TENM3: variants seen among roughly 807,000 people sequenced by gnomAD.
The protein encoded by TENM3 is teneurin-3.
In TENM3, 63 loss-of-function variants were observed where a neutral mutation model predicts 255.1. The observed-to-expected ratio is 0.25, with a 90% CI of 0.20 to 0.30. TENM3 has a LOEUF of 0.30. Among genes scored for constraint, TENM3 ranks in the 10% least tolerant of loss-of-function variants. The probability of loss-of-function intolerance (pLI) is 1.00; values close to 1 mark genes in which losing one functional copy is unlikely to be tolerated. For missense variants in TENM3, 2,929 were observed against 3,461.1 expected (o/e 0.85, Z 3.86); for synonymous variants, 1,306 against 1,322.3 (o/e 0.99, Z 0.27).
chr4:181,771,435 A>C, the TENM3 span, among the ~76,000 whole-genome samples: 1 of 152,176 alleles, frequency 6.6e-6, no homozygotes, highest in African/African-American at 2.4e-5. Flanking sequence ...TTGAAGAAAA[A>C]AAGCAAGCTT....
At chr4:181,653,298 C>G in the TENM3 span, among the ~76,000 whole-genome samples, 2 of 152,182 alleles carry the variant, frequency 1.3e-5, no homozygotes, top group Admixed American at 6.5e-5. Context: ...GGGGCAGGAT[C>G]GAAGAATCTG....
chr4:182,032,242 T>C, the TENM3 span, among the ~76,000 whole-genome samples: 5 of 152,338 alleles, frequency 3.3e-5, no homozygotes, highest in East Asian at 9.7e-4. Context: ...ACCTAGTTTA[T>C]TGAGTTTTTA....
the TENM3 span, among the ~76,000 whole-genome samples, chr4:182,060,659 T>C: frequency 1.3e-5 from 2 of 152,138 alleles, no homozygotes; most frequent in African/African-American, 2.4e-5. Flanking sequence ...AGATTTTCTA[T>C]AGCAAATACC....
At chr4:181,826,582 T>C in the TENM3 span, among the ~76,000 whole-genome samples, 2 of 152,190 alleles carry the variant, frequency 1.3e-5, no homozygotes, top group African/African-American at 4.8e-5. Context: ...ATCAGCAAAG[T>C]GGCTATTAGG....
At position 182,265,054 on chromosome 4, in the gene TENM3, G is replaced by A. The variant is rs113826801; in HGVS notation, c.-76+21578G>A. 5.4e-3 allele frequency among the ~76,000 whole-genome samples: 815 copies of A among 152,024 alleles called. 13 individuals carry two copies. Among genetic ancestry groups the A allele is most frequent in the African/African-American group, 0.018 (764 of 41,462 alleles). ...GGACTCCTTGAGAAAAACAGAGGAGGCACCACAGACTCCGTTTTGGGAAAA... is the reference window on the plus strand; with the variant it reads ...GGACTCCTTGAGAAAAACAGAGGAGACACCACAGACTCCGTTTTGGGAAAA... On this transcript the variant is annotated intron_variant, in intron 1 of 27. Transcript: ENST00000511685.
chr4:181,516,038 C>T, the TENM3 span, among the ~76,000 whole-genome samples: 99 of 152,232 alleles, frequency 6.5e-4, no homozygotes, highest in African/African-American at 2.3e-3. Context: ...ATATCATGTC[C>T]TTTGCAGGTA....
intron 3 of TENM3, chr4:182,448,977 C>A: frequency 2.5e-6 from 1 of 399,062 alleles, no homozygotes; most frequent in Non-Finnish European, 5.0e-6. Context: ...CCGCGCGCAG[C>A]CCGAGCCCGG....
chr4:181,669,109 T>C, the TENM3 span, among the ~76,000 whole-genome samples: 1 of 152,044 alleles, frequency 6.6e-6, no homozygotes. Context: ...TGAAAAAAAA[T>C]TACCAGCAAT....
chr4:182,726,589 T>C (rs1760202953), intron 13 of TENM3, among the ~76,000 whole-genome samples: 1 of 152,154 alleles, frequency 6.6e-6, no homozygotes, highest in East Asian at 1.9e-4. Context: ...CACCTGTACA[T>C]TTCTGAACCA....
At chr4:181,783,192 C>T in the TENM3 span, among the ~76,000 whole-genome samples, 12 of 152,104 alleles carry the variant, frequency 7.9e-5, no homozygotes, top group East Asian at 1.5e-3. Context: ...GTTTCTGTCT[C>T]GTTGATCTGT....
At chr4:182,010,034 A>G in the TENM3 span, among the ~76,000 whole-genome samples, 1 of 151,154 alleles carries the variant, frequency 6.6e-6, no homozygotes, top group African/African-American at 2.4e-5. Flanking sequence ...CTTTCTAGTC[A>G]GTTCTGATGA....
the TENM3 span, among the ~76,000 whole-genome samples, chr4:181,467,123 ATATTTTTTTTTTTT>A: frequency 5.6e-5 from 1 of 17,982 alleles, no homozygotes; most frequent in South Asian, 1.4e-3. Context: ...ATATATATAT[ATATTTTTTTTTTTT>A]TTTTTTTTTT....
At chr4:181,554,587 C>A in the TENM3 span, among the ~76,000 whole-genome samples, 1 of 152,102 alleles carries the variant, frequency 6.6e-6, no homozygotes, top group Non-Finnish European at 1.5e-5. Context: ...AGTCCCAAAC[C>A]AGACATTCTG....
the TENM3 span, among the ~76,000 whole-genome samples, chr4:181,681,214 C>A: frequency 6.6e-6 from 1 of 151,908 alleles, no homozygotes. Context: ...CTTTGGAGGT[C>A]AAATCTCATA....
At chr4:182,545,307 G>C (rs1337453793) in intron 3 of TENM3, among the ~76,000 whole-genome samples, 1 of 152,034 alleles carries the variant, frequency 6.6e-6, no homozygotes, top group Non-Finnish European at 1.5e-5. Context: ...TTTTTGGATA[G>C]GTGATATATC....
At chr4:182,731,202 A>T (rs1760673839) in intron 16 of TENM3, 63 bp downstream of exon 16, 1 of 1,545,380 alleles carries the variant, frequency 6.5e-7, no homozygotes, top group Non-Finnish European at 8.8e-7. Flanking sequence ...TTTGCCAGAG[A>T]ATCTTAAAAA....
At chr4:182,003,148 G>A in the TENM3 span, among the ~76,000 whole-genome samples, 14 of 152,022 alleles carry the variant, frequency 9.2e-5, 1 homozygote, top group Admixed American at 6.6e-4. Flanking sequence ...AGGAATCAGC[G>A]GGTATTCTTG....
chr4:181,744,271 G>C, the TENM3 span, among the ~76,000 whole-genome samples: 1 of 152,162 alleles, frequency 6.6e-6, no homozygotes, highest in Non-Finnish European at 1.5e-5. Flanking sequence ...TGTGAATGGT[G>C]CGTCAACGAA....
the TENM3 span, among the ~76,000 whole-genome samples, chr4:181,521,864 A>G: frequency 1.3e-5 from 2 of 152,124 alleles, no homozygotes; most frequent in East Asian, 3.9e-4. Flanking sequence ...TGGAAGGCCA[A>G]GACGGGCAGA....
Sources: gnomAD v4.1 joint callset for allele counts (sites outside exome capture counted in the v4.1 genomes callset) on GRCh38, gnomAD v4.1.1 for gene constraint, MANE v1.5 for transcripts, NCBI Gene and HGNC (gene_info 2026-07-23, HGNC 2026-07-21) for gene names.